The following RASGRP1 variants were observed in gnomAD, a reference collection of about 807,000 sequenced individuals.
The protein encoded by RASGRP1 is RAS guanyl releasing protein 1.
A neutral mutation model predicts 95.1 loss-of-function variants in RASGRP1; 37 were observed. The ratio of observed to expected loss-of-function variants is 0.39; its 90% confidence interval spans 0.30 to 0.51. RASGRP1 has a LOEUF of 0.51. RASGRP1 is among the 20% of genes least tolerant of loss of function. The pLI is 0.80. For missense variants in RASGRP1, 711 were observed against 965.4 expected, an observed-to-expected ratio of 0.74 and a Z score of 3.49; for synonymous variants, 325 against 353.4, an observed-to-expected ratio of 0.92 and a Z score of 0.90.
At chr15:38,562,434 C>T (rs1893846998) in intron 1 of RASGRP1, among the ~76,000 whole-genome samples, 1 of 152,226 alleles carries the variant, frequency 6.6e-6, no homozygotes, top group South Asian at 2.1e-4. Context: ...GTGGCCCATG[C>T]AGTGCGCCCC....
At chr15:38,537,019 T>G (rs1282577179) in intron 2 of RASGRP1, among the ~76,000 whole-genome samples, 3 of 152,190 alleles carry the variant, frequency 2.0e-5, no homozygotes, top group Non-Finnish European at 4.4e-5. Flanking sequence ...CTTGCTAGAT[T>G]TAAGCACTAT....
chr15:38,526,318 G>C lies in RASGRP1; in HGVS notation c.307C>G (p.Leu103Val). ...GGATATAGGGTGATAACTTTTTGGAGCAGTTCTGCAGAGGAGATGACAATT... is the reference window on the plus strand; with the variant it reads ...GGATATAGGGTGATAACTTTTTGGACCAGTTCTGCAGAGGAGATGACAATT... ...HRIVISSAELLQKVITLYKDA... is the reference protein window; with the variant it reads ...HRIVISSAELVQKVITLYKDA... The change falls in exon 3 of 17, where the codon CTC (leucine) becomes GTC (valine). Residue 103 changes from leucine to valine, a missense_variant. Transcript: ENST00000310803. The C allele has an allele frequency of 6.2e-7, 1 of 1,613,058 alleles. No homozygotes were observed. The highest frequency in any genetic ancestry group is 8.5e-7 in the Non-Finnish European group (1 of 1,179,214).
chr15:38,564,629 G>A lies in RASGRP1; in HGVS notation c.-1C>T. The A allele has an allele frequency of 7.4e-7, 1 of 1,343,598 alleles. No individual in the cohort carries two copies. Among genetic ancestry groups the A allele is most frequent in the Non-Finnish European group, 9.6e-7 (1 of 1,038,474 alleles). 83.2% of individuals were successfully genotyped at this position (1,343,598 alleles called of 1,614,324 possible). A position where few individuals can be genotyped will look rare whatever the true frequency, so the allele number is the denominator to read the frequency against. The stretch of plus-strand genomic sequence containing the variant: ...CTCTCGCCTTGCCCAGGGTGCCCAT[G>A]GCCGCGGCCCGCGCTCCCGGTGCCG... On this transcript the variant is annotated 5_prime_UTR_variant, in exon 1 of 17. Transcript: ENST00000310803.
intron 3 of RASGRP1, among the ~76,000 whole-genome samples, chr15:38,519,735 A>G (rs79424126): frequency 1.3e-5 from 2 of 152,204 alleles, no homozygotes; most frequent in East Asian, 3.8e-4. Context: ...AGCAGCCCCT[A>G]TGAAGGAAAA....
intron 8 of RASGRP1, among the ~76,000 whole-genome samples, chr15:38,509,809 C>T (rs1000559969): frequency 6.6e-6 from 1 of 152,172 alleles, no homozygotes; most frequent in Non-Finnish European, 1.5e-5. Context: ...CCTCAGATAA[C>T]TGAAACTACA....
intron 2 of RASGRP1, among the ~76,000 whole-genome samples, chr15:38,553,494 C>G (rs944710174): frequency 6.6e-6 from 1 of 152,150 alleles, no homozygotes; most frequent in Non-Finnish European, 1.5e-5. Context: ...GAAGCACTCC[C>G]CAGTTCCTCC....
chr15:38,560,204 C>T, intron 1 of RASGRP1, 199 bp from the exon 2 acceptor site: 1 of 598,334 alleles, frequency 1.7e-6, no homozygotes, highest in Admixed American at 2.7e-5. Flanking sequence ...GGTGAGATTT[C>T]AGGGTTGCAA....
chr15:38,505,759 T>A, intron 10 of RASGRP1, 81 bp downstream of exon 10: 1 of 1,120,254 alleles, frequency 8.9e-7, no homozygotes, highest in Non-Finnish European at 1.3e-6. Flanking sequence ...GAACTGAAAG[T>A]CTGTTCCTGA....
chr15:38,514,948 A>G (rs547953942), intron 6 of RASGRP1, among the ~76,000 whole-genome samples: 1 of 152,286 alleles, frequency 6.6e-6, no homozygotes, highest in South Asian at 2.1e-4. Flanking sequence ...GGAACTCCTG[A>G]GGCAGAGCTT....
chr15:38,518,783 T>C (rs1891885982), intron 4 of RASGRP1, among the ~76,000 whole-genome samples: 1 of 152,210 alleles, frequency 6.6e-6, no homozygotes, highest in Non-Finnish European at 1.5e-5. Flanking sequence ...CTTTATCATA[T>C]TCGAATATTA....
intron 2 of RASGRP1, among the ~76,000 whole-genome samples, chr15:38,546,062 A>G (rs1727443117): frequency 6.6e-6 from 1 of 152,128 alleles, no homozygotes; most frequent in South Asian, 2.1e-4. Context: ...TATCTCCATG[A>G]TGTGATTTTG....
In RASGRP1 at chr15:38,505,988, T is replaced by G; in HGVS notation, c.1243-68A>C. 3.2e-6 allele frequency: 4 copies of G among 1,268,224 alleles called. No individual in the cohort carries two copies. The South Asian group carries it at 5.1e-5, about 16-fold the overall frequency. The allele number at this position is 1,268,224 out of a possible 1,614,324, so 78.6% of individuals were successfully genotyped here. ...TTGCCTCTCCCACAGCTGATGGTTC[T>G]TTCTTGGATTTTCCTTGCCAGTAGT... is the stretch of plus-strand genomic sequence containing the variant. On this transcript the variant is annotated intron_variant, in intron 9 of 16. Transcript: ENST00000310803.
intron 2 of RASGRP1, among the ~76,000 whole-genome samples, chr15:38,547,520 C>T (rs1385200480): frequency 6.6e-6 from 1 of 152,164 alleles, no homozygotes; most frequent in Admixed American, 6.5e-5. Context: ...GAGCTGCCTT[C>T]CCTACTCCCC....
chr15:38,491,514 A>G (rs1420803966), intron 16 of RASGRP1, among the ~76,000 whole-genome samples: 1 of 152,208 alleles, frequency 6.6e-6, no homozygotes, highest in African/African-American at 2.4e-5. Flanking sequence ...GAGCCTTGGT[A>G]TATCTAAACA....
chr15:38,502,172 GA>G, intron 12 of RASGRP1, 139 bp downstream of exon 12: 1 of 620,476 alleles, frequency 1.6e-6, no homozygotes, highest in East Asian at 2.9e-5. Flanking sequence ...ATTTTTAAAA[GA>G]ATGCATATTT....
At chr15:38,492,244 G>T (rs753750972) in intron 16 of RASGRP1, among the ~76,000 whole-genome samples, 1 of 152,212 alleles carries the variant, frequency 6.6e-6, no homozygotes, top group Non-Finnish European at 1.5e-5. Flanking sequence ...CTGAGCAAGA[G>T]AGTACCATTC....
At chr15:38,564,022 T>C (rs371372902) in intron 1 of RASGRP1, among the ~76,000 whole-genome samples, 4 of 152,276 alleles carry the variant, frequency 2.6e-5, no homozygotes, top group Admixed American at 6.5e-5. Context: ...AGACCCTCTA[T>C]AGAATCATAG....
At chr15:38,492,578 G>GGCATT (rs1158779395) in intron 16 of RASGRP1, among the ~76,000 whole-genome samples, 1 of 152,142 alleles carries the variant, frequency 6.6e-6, no homozygotes, top group Non-Finnish European at 1.5e-5. Context: ...AAGCCAGAAA[G>GGCATT]GCATTCCTCC....
rs1890495008 is a variant in RASGRP1 at position 38,489,683 on chromosome 15, A to G, written c.*871T>C. 6.6e-6 allele frequency: 1 copy of G among 152,500 alleles called. No homozygotes were observed. The allele number at this position is 152,500 out of a possible 1,614,324, so 9.4% of individuals were successfully genotyped here. A position where few individuals can be genotyped will look rare whatever the true frequency, so the allele number is the denominator to read the frequency against. ...GAGAACTTTCAAAATAGTTTACTTC[A>G]GAAGAGAAAGATGGAACATGAAGAG... On this transcript the variant is annotated 3_prime_UTR_variant, in exon 17 of 17. Transcript: ENST00000310803.
Sources: allele counts gnomAD v4.1 joint callset (sites outside exome capture counted in the v4.1 genomes callset), GRCh38; gene constraint gnomAD v4.1.1; transcripts MANE v1.5; gene names NCBI Gene and HGNC (gene_info 2026-07-23, HGNC 2026-07-21).